Variants in DDX60 observed in about 807,000 individuals in gnomAD.
DDX60 encodes probable ATP-dependent RNA helicase DDX60.
A neutral mutation model predicts 212.8 loss-of-function variants in DDX60; 165 were observed. That is an observed-to-expected ratio of 0.78 (90% CI 0.68 to 0.88). DDX60 has a LOEUF of 0.88. DDX60 is among the 40% of genes least tolerant of loss of function. The pLI is 0.00. For missense variants in DDX60, 1,905 were observed against 2,003.9 expected (o/e 0.95, Z 0.94); for synonymous variants, 703 against 685.3 (o/e 1.03, Z -0.40).
intron 19 of DDX60, 37 bp from the exon 20 acceptor site, chr4:168,269,006 T>C (rs1433904182): frequency 8.0e-7 from 1 of 1,243,336 alleles, no homozygotes; most frequent in Admixed American, 2.2e-5. Flanking sequence ...AACTGAAAAG[T>C]TGATTTAAAA....
chr4:168,302,394 G>A lies in DDX60; in HGVS notation c.629C>T (p.Ala210Val). Residue 210 changes from alanine to valine, a missense_variant, in exon 6 of 38, where the codon GCT (alanine) becomes GTT (valine). Ala to Val is a moderately conservative substitution (Grantham distance 64, BLOSUM62 0). Coordinates refer to ENST00000393743, the MANE Select transcript of DDX60 (RefSeq NM_017631.6). The stretch of plus-strand genomic sequence containing the variant: ...CAACTGGTTAAGCAGGGTTGTATAA[G>A]CATCTTTAATGTTCTGCTTATTCTG... ...SWKNKQNIKD[A>V]YTTLLNQLER... The A allele has an allele frequency of 6.4e-7, 1 of 1,558,332 alleles. No homozygotes were observed. The highest frequency in any genetic ancestry group is 8.7e-7 in the Non-Finnish European group (1 of 1,152,620).
Position 168,283,449 on chromosome 4 carries a change from T to C in DDX60, c.1719A>G (p.Ala573=). Residue 573 remains alanine, a synonymous_variant, in exon 13 of 38, where the codon GCA becomes GCG. Transcript: ENST00000393743. ...GGATAGAATTTATAGAACCTACGTG[T>C]GCCTTTTTGCTCTTGGGCCCACTAA... ...KDFSGPKSKK[A]HETKAEIIAR... The C allele has an allele frequency of 1.2e-6, 2 of 1,613,138 alleles. No homozygotes were observed. Among genetic ancestry groups the C allele is most frequent in the Non-Finnish European group, 1.7e-6 (2 of 1,179,552 alleles).
chr4:168,278,984 G>C (rs1735470366), intron 14 of DDX60, among the ~76,000 whole-genome samples: 1 of 152,140 alleles, frequency 6.6e-6, no homozygotes, highest in Admixed American at 6.5e-5. Flanking sequence ...GGCTCTTCTG[G>C]AAGAAGATGC....
intron 6 of DDX60, among the ~76,000 whole-genome samples, chr4:168,295,752 A>G (rs1382789253): frequency 1.3e-5 from 2 of 152,178 alleles, no homozygotes; most frequent in East Asian, 1.9e-4. Flanking sequence ...ACGTGGATCA[A>G]CCTAAGTGTT....
Position 168,246,524 on chromosome 4 carries a change from G to A in DDX60, c.4058C>T (p.Ser1353Phe). Residue 1353 changes from serine (S) to phenylalanine (F), a missense_variant, in exon 30 of 38, where the codon TCC becomes TTC. Ser to Phe is a radical substitution (Grantham distance 155). Transcript: ENST00000393743. ...PFPKIGKLIK[S>F]NVPELRGHFP... ...GTGTCCTCTCAGCTCAGGAACATTG[G>A]ATTTTATGAGTTTTCCTATTTTGGG... 6.2e-7 allele frequency: 1 copy of A among 1,614,030 alleles called. No individual in the cohort carries two copies. Among genetic ancestry groups the A allele is most frequent in the Non-Finnish European group, 8.5e-7 (1 of 1,179,976 alleles).
At chr4:168,294,765 G>A (rs1736267547) in intron 6 of DDX60, among the ~76,000 whole-genome samples, 1 of 152,092 alleles carries the variant, frequency 6.6e-6, no homozygotes, top group African/African-American at 2.4e-5. Context: ...GCCTCCCAAA[G>A]TGCTGGGATT....
chr4:168,319,286 T>C (rs1164078771), upstream of DDX60, among the ~76,000 whole-genome samples: 1 of 151,964 alleles, frequency 6.6e-6, no homozygotes. Context: ...ATAGAGTAAA[T>C]TGAGGCAGAA....
At chr4:168,256,787 T>C (rs1734430652) in intron 25 of DDX60, among the ~76,000 whole-genome samples, 1 of 152,230 alleles carries the variant, frequency 6.6e-6, no homozygotes, top group African/African-American at 2.4e-5. Flanking sequence ...ATATTAACCA[T>C]AGCTTATTAT....
At chr4:168,260,375 A>G (rs1560834138) in intron 25 of DDX60, among the ~76,000 whole-genome samples, 1 of 152,142 alleles carries the variant, frequency 6.6e-6, no homozygotes, top group African/African-American at 2.4e-5. Flanking sequence ...TTTAAACAAA[A>G]CGTATGTATT....
rs534800663 is a variant in DDX60 at position 168,291,844 on chromosome 4, A to G, written c.945T>C (p.Thr315=). Residue 315 remains threonine (T), a synonymous_variant, in exon 8 of 38, where the codon ACT becomes ACC. Transcript: ENST00000393743. ...GAGGCAGATGGAGTAGAAAAACCAC[A>G]GTGAGACAATGCAGTTTACACAAAT... ...MEDLCKLHCL[T]VVFLLHLPLS... The G allele has an allele frequency of 1.3e-5, 21 of 1,613,792 alleles. No individual in the cohort carries two copies. Among genetic ancestry groups the G allele is most frequent in the Non-Finnish European group, 1.6e-5 (19 of 1,179,794 alleles).
chr4:168,317,719 G>A (rs1737459530), intron 1 of DDX60, among the ~76,000 whole-genome samples: 2 of 152,154 alleles, frequency 1.3e-5, no homozygotes, highest in South Asian at 4.1e-4. Context: ...GTAGACTCGG[G>A]AGATTCCCCC....
chr4:168,266,137 A>G (rs1399613846), intron 22 of DDX60, among the ~76,000 whole-genome samples: 1 of 152,116 alleles, frequency 6.6e-6, no homozygotes, highest in Non-Finnish European at 1.5e-5. Flanking sequence ...TCCTGGCCCC[A>G]CCATTTACTT....
At position 168,216,743 on chromosome 4, in the gene DDX60, G is replaced by A. The variant is rs554565775; in HGVS notation, c.*190C>T. On this transcript the variant is annotated 3_prime_UTR_variant, in exon 38 of 38. Transcript: ENST00000393743. ...TTCAGGTATACTAAATAATTTGTGA[G>A]TATTCATGACAGAACATGGCAGGTT... 3.3e-5 allele frequency: 15 copies of A among 449,010 alleles called. No homozygotes were observed. The highest frequency in any genetic ancestry group is 5.7e-4 in the Middle Eastern group (1 of 1,764). 27.8% of individuals were successfully genotyped at this position (449,010 alleles called of 1,614,324 possible). A position where few individuals can be genotyped will look rare whatever the true frequency, so the allele number is the denominator to read the frequency against.
chr4:168,288,708 TA>T (rs1004773089), intron 8 of DDX60, among the ~76,000 whole-genome samples: 2 of 152,110 alleles, frequency 1.3e-5, no homozygotes, highest in African/African-American at 4.8e-5. Flanking sequence ...AAAGAGCATT[TA>T]AAAAAATGTG....
rs762254609 is a variant in DDX60, at chr4:168,312,764, G to T, written c.-106-1399C>A. ...TAGATAGATATGATAGAGAGAGAGA[G>T]ATTCCTATTCCATGATAGTAAGGAA... On this transcript the variant is annotated intron_variant, in intron 1 of 37. Transcript: ENST00000393743. Among the ~76,000 whole-genome samples the T allele has an allele frequency of 6.5e-5, 5 of 76,450 alleles. No individual in the cohort carries two copies. The Middle Eastern group carries it at 0.029, about 450-fold the overall frequency. 50.2% of individuals were successfully genotyped at this position (76,450 alleles called of 152,430 possible). A position where few individuals can be genotyped will look rare whatever the true frequency, so the allele number is the denominator to read the frequency against.
chr4:168,237,644 G>A (rs199730154), intron 31 of DDX60, 47 bp downstream of exon 31: 36 of 1,470,486 alleles, frequency 2.4e-5, no homozygotes, highest in Non-Finnish European at 3.1e-5. Context: ...AAGAAATCTA[G>A]ATAGTAGTAA....
Position 168,224,310 on chromosome 4 carries a change from A to G in DDX60, c.4757T>C (p.Ile1586Thr). 1 of 1,612,480 alleles carries G rather than the reference A, an allele frequency of 6.2e-7. No homozygotes were observed. The highest frequency in any genetic ancestry group is 2.2e-5 in the East Asian group (1 of 44,792). The change falls in exon 35 of 38, where the codon ATT becomes ACT. Residue 1586 changes from isoleucine (I) to threonine (T), a missense_variant. Transcript: ENST00000393743. ...CCCAGACAGACAAACAAATGGTGAA[A>G]TTGCTACTCTTCCTTCCTTGCAGCT... The part of the protein sequence containing the change: ...LMSCKEGRVA[I>T]SPFVCLSGNF...
At chr4:168,281,118 C>T (rs978065024) in intron 13 of DDX60, among the ~76,000 whole-genome samples, 9 of 152,022 alleles carry the variant, frequency 5.9e-5, no homozygotes, top group African/African-American at 1.4e-4. Flanking sequence ...CCAGCCTGGG[C>T]GATGGAGCAG....
intron 18 of DDX60, among the ~76,000 whole-genome samples, 156 bp from the exon 19 acceptor site, chr4:168,272,294 C>T (rs1735136575): frequency 6.6e-6 from 1 of 152,188 alleles, no homozygotes; most frequent in Non-Finnish European, 1.5e-5. Flanking sequence ...TTCATCAAAA[C>T]TGTGCTATAT....
Sources: allele counts gnomAD v4.1 joint callset (sites outside exome capture counted in the v4.1 genomes callset), GRCh38; gene constraint gnomAD v4.1.1; transcripts MANE v1.5; gene names NCBI Gene and HGNC (gene_info 2026-07-23, HGNC 2026-07-21).